Variants in TMEM238L observed in about 807,000 individuals in gnomAD.
The protein encoded by TMEM238L is transmembrane protein 238-like.
Position 10,803,589 on chromosome 17 carries a change from G to C in TMEM238L, c.*118+17C>G. 2.5e-6 allele frequency: 1 copy of C among 396,654 alleles called. No homozygotes were observed. Among genetic ancestry groups the C allele is most frequent in the East Asian group, 3.6e-5 (1 of 27,990 alleles). 24.6% of individuals were successfully genotyped at this position (396,654 alleles called of 1,614,324 possible). On this transcript the variant is annotated intron_variant, in intron 1 of 1. Coordinates refer to ENST00000581851, the Ensembl canonical transcript of TMEM238L. ...CCTCTCTGGCCACCCTGCCAGGTAGGTCTTGTGTGCACTCACCTGGTCCCG... is the reference window on the plus strand; with the variant it reads ...CCTCTCTGGCCACCCTGCCAGGTAGCTCTTGTGTGCACTCACCTGGTCCCG...
At position 10,802,978 on chromosome 17, in the gene TMEM238L, C is replaced by T. The variant is rs1567610392; in HGVS notation, c.*118+628G>A. Among the ~76,000 whole-genome samples, 5 of 152,148 alleles carry T rather than the reference C, an allele frequency of 3.3e-5. No individual in the cohort carries two copies. In the East Asian group the frequency reaches 5.8e-4, roughly 18 times the overall value. On this transcript the variant is annotated intron_variant, in intron 1 of 1. Coordinates refer to ENST00000581851, the Ensembl canonical transcript of TMEM238L. The stretch of plus-strand genomic sequence containing the variant: ...ACTGGCTGGGCACATGTGTTGGCTG[C>T]GTGTGAGTGTGAGTGAGGGTGGGGT...
chr17:10,796,119 G>A (rs1021306233), intron 1 of TMEM238L, among the ~76,000 whole-genome samples, 171 bp from the exon 2 acceptor site: 5 of 152,192 alleles, frequency 3.3e-5, no homozygotes, highest in Non-Finnish European at 4.4e-5. Flanking sequence ...GAAACCACAT[G>A]AGACTCAGCT....
At chr17:10,800,327 C>T (rs1442098129) in intron 1 of TMEM238L, among the ~76,000 whole-genome samples, 1 of 152,196 alleles carries the variant, frequency 6.6e-6, no homozygotes, top group Non-Finnish European at 1.5e-5. Flanking sequence ...GAGCAACGTC[C>T]TGAACAGCAG....
intron 1 of TMEM238L, among the ~76,000 whole-genome samples, chr17:10,801,378 C>T (rs1444344994): frequency 6.6e-6 from 1 of 152,190 alleles, no homozygotes; most frequent in Non-Finnish European, 1.5e-5. Flanking sequence ...TGACCAAAAT[C>T]CTTCAGAGGG....
chr17:10,799,068 C>G (rs1305075691), intron 1 of TMEM238L, among the ~76,000 whole-genome samples: 2 of 152,222 alleles, frequency 1.3e-5, no homozygotes, highest in Admixed American at 1.3e-4. Flanking sequence ...CCTGCCCTCT[C>G]TCTGGAGAAC....
chr17:10,799,626 A>G (rs980033454), intron 1 of TMEM238L, among the ~76,000 whole-genome samples: 7 of 152,214 alleles, frequency 4.6e-5, no homozygotes, highest in African/African-American at 1.7e-4. Flanking sequence ...GCCAGTTACA[A>G]TCTGCCCGTA....
At chr17:10,797,470 A>G (rs1315486394) in intron 1 of TMEM238L, among the ~76,000 whole-genome samples, 1 of 143,860 alleles carries the variant, frequency 7.0e-6, no homozygotes, top group African/African-American at 2.6e-5. Context: ...ACCCTCTGTA[A>G]TCTCATCCAC....
chr17:10,801,208 G>A (rs1164499773), intron 1 of TMEM238L, among the ~76,000 whole-genome samples: 5 of 151,984 alleles, frequency 3.3e-5, no homozygotes, highest in Non-Finnish European at 2.9e-5. Context: ...CTGCCACTGC[G>A]CCCGGCTAAT....
chr17:10,796,318 A>G (rs1001934035), intron 1 of TMEM238L, among the ~76,000 whole-genome samples: 2 of 152,086 alleles, frequency 1.3e-5, no homozygotes, highest in Non-Finnish European at 2.9e-5. Flanking sequence ...TTCTGCCTCA[A>G]CCTCCACCTT....
chr17:10,801,597 G>A (rs1380729908), intron 1 of TMEM238L, among the ~76,000 whole-genome samples: 1 of 152,154 alleles, frequency 6.6e-6, no homozygotes, highest in East Asian at 1.9e-4. Flanking sequence ...CCTCCAGGAA[G>A]CTTTCCCTGA....
rs192249533 is a variant in TMEM238L, at chr17:10,798,394, T to G, written c.*119-2446A>C. Among the ~76,000 whole-genome samples, 7 of 152,308 alleles carry G rather than the reference T, an allele frequency of 4.6e-5. No individual in the cohort carries two copies. In the East Asian group the frequency reaches 1.4e-3, roughly 30 times the overall value. ...GCTCCTCCACACAGCCCTGGCACCA[T>G]GTCTGCATGGGGCACAGATTCATTG... On this transcript the variant is annotated intron_variant, in intron 1 of 1. Coordinates refer to ENST00000581851, the Ensembl canonical transcript of TMEM238L.
intron 1 of TMEM238L, among the ~76,000 whole-genome samples, chr17:10,801,753 C>T (rs112185307): frequency 6.6e-6 from 1 of 151,780 alleles, no homozygotes; most frequent in African/African-American, 2.4e-5. Flanking sequence ...ATGGTAAACT[C>T]CCTGAGAGTA....
exon 1 of TMEM238L, chr17:10,803,697 G>A (rs894745350): frequency 3.3e-5 from 13 of 399,032 alleles, no homozygotes; most frequent in South Asian, 1.3e-4. Flanking sequence ...CAGCACCTGC[G>A]TCTCTTCTCC....
chr17:10,801,292 C>T (rs1421870959), intron 1 of TMEM238L, among the ~76,000 whole-genome samples: 1 of 152,150 alleles, frequency 6.6e-6, no homozygotes, highest in African/African-American at 2.4e-5. Flanking sequence ...CCCACCTCGG[C>T]CTCCCAAAGT....
chr17:10,797,903 G>A (rs983006064), intron 1 of TMEM238L: 2 of 152,176 alleles, frequency 1.3e-5, no homozygotes, highest in Non-Finnish European at 1.5e-5. Context: ...TACAGGCAAA[G>A]CTTGATCATG....
chr17:10,796,103 AG>A (rs1904532389), intron 1 of TMEM238L, among the ~76,000 whole-genome samples, 155 bp from the exon 2 acceptor site: 1 of 152,270 alleles, frequency 6.6e-6, no homozygotes. Flanking sequence ...ACCTTGGGCT[AG>A]CCCTGAAACC....
intron 1 of TMEM238L, among the ~76,000 whole-genome samples, chr17:10,801,821 G>A (rs184379666): frequency 2.6e-5 from 4 of 150,998 alleles, no homozygotes; most frequent in East Asian, 1.9e-4. Flanking sequence ...TCACTCTGCC[G>A]CCCAGGTTGG....
At chr17:10,796,819 G>C (rs146119262) in intron 1 of TMEM238L, among the ~76,000 whole-genome samples, 39 of 152,296 alleles carry the variant, frequency 2.6e-4, no homozygotes, top group African/African-American at 9.4e-4. Context: ...TGCAGGCATG[G>C]ATCAAGGTTC....
chr17:10,804,086 C>T lies in TMEM238L; in HGVS notation c.-123G>A, dbSNP rs896774831. 24 of 399,076 alleles carry T rather than the reference C, an allele frequency of 6.0e-5. 1 individual carries two copies. The highest frequency in any genetic ancestry group is 5.7e-4 in the Admixed American group (13 of 22,824). The allele number at this position is 399,076 out of a possible 1,614,324, so 24.7% of individuals were successfully genotyped here. On this transcript the variant is annotated 5_prime_UTR_variant, in exon 1 of 2. Transcript: ENST00000581851. ...GTGTGAGCAAATGAGCGAGCTGGCG[C>T]TTCTTGGAGCCACAGGGAAGTACAC...
Sources: allele counts gnomAD v4.1 joint callset (sites outside exome capture counted in the v4.1 genomes callset), GRCh38; gene constraint gnomAD v4.1.1; transcripts MANE v1.5; gene names NCBI Gene and HGNC (gene_info 2026-07-23, HGNC 2026-07-21).